ARID1A: variants seen among roughly 807,000 people sequenced by gnomAD.
The protein encoded by ARID1A is AT-rich interaction domain 1A.
A neutral mutation model predicts 212.6 loss-of-function variants in ARID1A; 20 were observed. The observed-to-expected ratio is 0.09, with a 90% CI of 0.07 to 0.14. ARID1A has a LOEUF of 0.14. Among genes scored for constraint, ARID1A ranks in the 10% least tolerant of loss-of-function variants. The probability of loss-of-function intolerance (pLI) is 1.00; values close to 1 mark genes in which losing one functional copy is unlikely to be tolerated. For missense variants in ARID1A, 2,587 were observed against 3,059.0 expected, an observed-to-expected ratio of 0.85 and a Z score of 3.64; for synonymous variants, 1,376 against 1,222.1, an observed-to-expected ratio of 1.13 and a Z score of -2.63.
At chr1:26,742,924 C>T (rs772331011) in intron 4 of ARID1A, among the ~76,000 whole-genome samples, 5 of 151,976 alleles carry the variant, frequency 3.3e-5, no homozygotes, top group South Asian at 2.1e-4. Flanking sequence ...GGGCTGAGGT[C>T]GCGCCACTGC....
intron 4 of ARID1A, among the ~76,000 whole-genome samples, chr1:26,759,425 C>G (rs1328468807): frequency 1.3e-5 from 2 of 152,092 alleles, no homozygotes; most frequent in East Asian, 3.9e-4. Flanking sequence ...CCAGGCTGGT[C>G]TCGAACTCCT....
intron 4 of ARID1A, among the ~76,000 whole-genome samples, chr1:26,742,936 C>G (rs2080801779): frequency 6.6e-6 from 1 of 152,100 alleles, no homozygotes; most frequent in Admixed American, 6.6e-5. Flanking sequence ...CGCCACTGCA[C>G]TCCAGCCTAT....
intron 19 of ARID1A, among the ~76,000 whole-genome samples, chr1:26,777,522 G>A (rs1204308611): frequency 1.3e-5 from 2 of 151,514 alleles, no homozygotes; most frequent in Admixed American, 6.6e-5. Flanking sequence ...GTGAGCCACC[G>A]TTCCAGGCCC....
intron 4 of ARID1A, among the ~76,000 whole-genome samples, chr1:26,746,053 A>G (rs1039521891): frequency 2.9e-4 from 44 of 152,320 alleles, no homozygotes; most frequent in African/African-American, 9.9e-4. Flanking sequence ...CTCTGTCTCA[A>G]AAAAATAGAA....
intron 4 of ARID1A, among the ~76,000 whole-genome samples, chr1:26,745,397 C>T (rs768239797): frequency 6.6e-6 from 1 of 152,194 alleles, no homozygotes; most frequent in Non-Finnish European, 1.5e-5. Context: ...ATGGTCTCTG[C>T]TTACTTTGAT....
intron 1 of ARID1A, among the ~76,000 whole-genome samples, chr1:26,722,442 C>T (rs543700932): frequency 1.3e-5 from 2 of 152,294 alleles, no homozygotes; most frequent in South Asian, 4.1e-4. Flanking sequence ...GACGGGGTTT[C>T]ACCATGTTGG....
In ARID1A at chr1:26,697,260, C is replaced by T. The variant is rs2124743941; in HGVS notation, c.857C>T (p.Thr286Ile). The T allele has an allele frequency of 2.2e-6, 3 of 1,366,352 alleles. No homozygotes were observed. Among genetic ancestry groups the T allele is most frequent in the Non-Finnish European group, 1.9e-6 (2 of 1,067,032 alleles). 84.6% of individuals were successfully genotyped at this position (1,366,352 alleles called of 1,614,324 possible). A position where few individuals can be genotyped will look rare whatever the true frequency, so the allele number is the denominator to read the frequency against. Residue 286 changes from threonine (T) to isoleucine (I), a missense_variant, in exon 1 of 20, where the codon ACT becomes ATT. Physicochemically the swap from Thr to Ile is moderately conservative, Grantham distance 89. This residue lies in a region of ARID1A where 735 missense variants were observed against 590.6 expected (regional missense o/e 1.24). Transcript: ENST00000324856. The stretch of plus-strand genomic sequence containing the variant: ...GGCCCCTCCGCGGCCGGCGGGGGAA[C>T]TCCCCAGCCCACCGCCACCCCCACC... ...GGGPSAAGGG[T>I]PQPTATPTLN...
chr1:26,758,717 C>T (rs560002729), intron 4 of ARID1A, among the ~76,000 whole-genome samples: 85 of 152,116 alleles, frequency 5.6e-4, no homozygotes, highest in Non-Finnish European at 9.4e-4. Context: ...TTTAGTCCTT[C>T]GAGAAAGGAG....
chr1:26,746,811 C>T (rs1011643139), intron 4 of ARID1A, among the ~76,000 whole-genome samples: 1 of 152,096 alleles, frequency 6.6e-6, no homozygotes, highest in African/African-American at 2.4e-5. Context: ...CCAAGGCGGG[C>T]AAATCACCTG....
In ARID1A at chr1:26,779,889, T is replaced by C. The variant is rs2124144786; in HGVS notation, c.5991T>C (p.Asn1997=). The change falls in exon 20 of 20, where the codon AAT becomes AAC. Residue 1997 remains asparagine (N), a synonymous_variant. Coordinates refer to ENST00000324856, the MANE Select transcript of ARID1A (RefSeq NM_006015.6). ...TIRSLSFVPG[N]DFEMSKHPGL... ...GAAGCCTGTCATTTGTGCCAGGCAATGACTTTGAGATGTCCAAACACCCAG... is the reference window on the plus strand; with the variant it reads ...GAAGCCTGTCATTTGTGCCAGGCAACGACTTTGAGATGTCCAAACACCCAG... 6.2e-7 allele frequency: 1 copy of C among 1,614,124 alleles called. No individual in the cohort carries two copies. Among genetic ancestry groups the C allele is most frequent in the Non-Finnish European group, 8.5e-7 (1 of 1,180,018 alleles).
At chr1:26,767,425 G>A (rs971339253) in intron 10 of ARID1A, among the ~76,000 whole-genome samples, 16 of 152,200 alleles carry the variant, frequency 1.1e-4, no homozygotes, top group African/African-American at 3.1e-4. Context: ...TAGTGGCTTT[G>A]ATGTCAGGTG....
chr1:26,731,291 A>G lies in ARID1A; in HGVS notation c.1490A>G (p.Gln497Arg), dbSNP rs772741483. 6.2e-7 allele frequency: 1 copy of G among 1,613,534 alleles called. No individual in the cohort carries two copies. Among genetic ancestry groups the G allele is most frequent in the Non-Finnish European group, 8.5e-7 (1 of 1,179,882 alleles). The change falls in exon 3 of 20, where the codon CAA becomes CGA. Residue 497 changes from glutamine (Q) to arginine (R), a missense_variant. By Grantham distance (43) the Gln-to-Arg change is conservative. Around this residue, in one of 11 missense-constraint regions of ARID1A, gnomAD observed 674 missense variants for 813.4 expected, o/e 0.83. Transcript: ENST00000324856. ...QQPPSQTPHA[Q>R]PSYQQQPQSQ... Reference sequence around the variant, plus strand: ...CCACCGTCCCAGACCCCTCATGCCCAACCTTCGTATCAGCAGCAGCCACAG... The same window carrying G: ...CCACCGTCCCAGACCCCTCATGCCCGACCTTCGTATCAGCAGCAGCCACAG...
chr1:26,718,503 T>C (rs1570563645), intron 1 of ARID1A, among the ~76,000 whole-genome samples: 1 of 152,148 alleles, frequency 6.6e-6, no homozygotes, highest in African/African-American at 2.4e-5. Flanking sequence ...CAAATGCCCC[T>C]CGGTATCCGT....
rs576669316 is a variant in ARID1A, at chr1:26,768,582, T to C, written c.3198+583T>C. Among the ~76,000 whole-genome samples, 5 of 152,136 alleles carry C rather than the reference T, an allele frequency of 3.3e-5. No homozygotes were observed. In the South Asian group the frequency reaches 8.3e-4, roughly 25 times the overall value. ...ATTCCTGGAAGCTTCCCAGTAGAGA[T>C]AGGATTTCAGGAACTGCTTAGTAGA... On this transcript the variant is annotated intron_variant, in intron 11 of 19. Transcript: ENST00000324856.
chr1:26,737,615 C>T (rs911080260), intron 4 of ARID1A, among the ~76,000 whole-genome samples: 17 of 152,068 alleles, frequency 1.1e-4, no homozygotes, highest in East Asian at 3.9e-4. Context: ...CTTGTAATCC[C>T]GGCACTTTGG....
intron 1 of ARID1A, among the ~76,000 whole-genome samples, chr1:26,698,609 G>T (rs757462674): frequency 2.0e-5 from 3 of 152,236 alleles, no homozygotes; most frequent in Non-Finnish European, 4.4e-5. Flanking sequence ...AGCCTGAAAT[G>T]AATTCTGTGT....
chr1:26,715,525 C>G (rs999264730), intron 1 of ARID1A, among the ~76,000 whole-genome samples: 5 of 152,192 alleles, frequency 3.3e-5, no homozygotes, highest in African/African-American at 1.2e-4. Context: ...ATCTATATCA[C>G]CTCACATGGG....
chr1:26,753,206 A>G (rs2080899623), intron 4 of ARID1A: 1 of 152,176 alleles, frequency 6.6e-6, no homozygotes. Context: ...CTGTGAGAGT[A>G]CCAGCACCCC....
intron 4 of ARID1A, among the ~76,000 whole-genome samples, chr1:26,756,677 T>C (rs2080940904): frequency 6.6e-6 from 1 of 151,884 alleles, no homozygotes. Context: ...TGGGGCACTT[T>C]GGCTTCACCT....
Sources: gnomAD v4.1 joint callset for allele counts (sites outside exome capture counted in the v4.1 genomes callset) on GRCh38, gnomAD v4.1.1 for gene constraint, gnomAD v4.1.1 regional missense constraint, MANE v1.5 for transcripts, NCBI Gene and HGNC (gene_info 2026-07-23, HGNC 2026-07-21) for gene names.